The following SH3RF1 variants were observed in gnomAD, a reference collection of about 807,000 sequenced individuals.
SH3RF1 encodes the protein SH3 domain containing ring finger 1.
Under a neutral mutation model 74.0 loss-of-function variants are expected in SH3RF1, and 32 were observed. The observed-to-expected ratio is 0.43, with a 90% confidence interval of 0.33 to 0.58. The LOEUF is 0.58. SH3RF1 is among the 20% of genes least tolerant of loss of function. The pLI, the probability that SH3RF1 is intolerant of heterozygous loss-of-function variation, is 0.05. For synonymous variants in SH3RF1, 396 were observed against 439.6 expected, an observed-to-expected ratio of 0.90 and a Z score of 1.24; for missense variants, 954 against 1,130.9, an observed-to-expected ratio of 0.84 and a Z score of 2.24.
chr4:169,137,906 T>C (rs1354394361), intron 4 of SH3RF1, among the ~76,000 whole-genome samples: 2 of 152,180 alleles, frequency 1.3e-5, no homozygotes, highest in African/African-American at 4.8e-5. Context: ...CTATAATTAG[T>C]AAGATAAATC....
intron 4 of SH3RF1, among the ~76,000 whole-genome samples, chr4:169,152,575 T>TA (rs1733992552): frequency 6.6e-6 from 1 of 152,194 alleles, no homozygotes; most frequent in African/African-American, 2.4e-5. Flanking sequence ...CCGTCTCTAC[T>TA]AAAAACACAA....
chr4:169,152,611 T>C (rs553046208), intron 4 of SH3RF1, among the ~76,000 whole-genome samples: 2 of 152,168 alleles, frequency 1.3e-5, no homozygotes, highest in South Asian at 2.1e-4. Context: ...GTGGTGCATG[T>C]CTGTAATCCC....
At chr4:169,202,255 A>C (rs2126990865) in intron 2 of SH3RF1, among the ~76,000 whole-genome samples, 1 of 152,266 alleles carries the variant, frequency 6.6e-6, no homozygotes, top group South Asian at 2.1e-4. Context: ...CCTAACATAA[A>C]CTGTTTCTTT....
chr4:169,221,326 T>C (rs1416865594), intron 2 of SH3RF1, among the ~76,000 whole-genome samples: 1 of 151,902 alleles, frequency 6.6e-6, no homozygotes, highest in African/African-American at 2.4e-5. Flanking sequence ...AAAAAATAGG[T>C]CTCTCCAACA....
At position 169,096,467 on chromosome 4, in the gene SH3RF1, T is replaced by C; in HGVS notation, c.*52A>G. The C allele has an allele frequency of 1.3e-6, 2 of 1,575,638 alleles. No homozygotes were observed. Among genetic ancestry groups the C allele is most frequent in the Non-Finnish European group, 1.7e-6 (2 of 1,160,262 alleles). ...ATGTGCTCTTTCTGTTAAACTGCTT[T>C]GTGCTACTTTGTTGTGTGAAGTGAT... On this transcript the variant is annotated 3_prime_UTR_variant, in exon 12 of 12. Coordinates refer to ENST00000284637, the MANE Select transcript of SH3RF1 (RefSeq NM_020870.4).
chr4:169,209,035 A>T (rs996126487), intron 2 of SH3RF1, among the ~76,000 whole-genome samples: 7 of 152,204 alleles, frequency 4.6e-5, no homozygotes, highest in African/African-American at 1.2e-4. Context: ...CACGCCTGTA[A>T]TCCCAGCACT....
At chr4:169,221,980 C>A (rs2706728) in intron 2 of SH3RF1, among the ~76,000 whole-genome samples, 68,985 of 151,860 alleles carry the variant, frequency 0.45, 17,483 homozygotes, top group East Asian at 0.78. Context: ...TCATCCATCC[C>A]AAAAAAACAC....
chr4:169,165,800 T>C (rs1050584784), intron 2 of SH3RF1, among the ~76,000 whole-genome samples: 4 of 152,124 alleles, frequency 2.6e-5, no homozygotes, highest in African/African-American at 9.7e-5. Context: ...AATATTGAAA[T>C]AAACCTACAC....
intron 10 of SH3RF1, among the ~76,000 whole-genome samples, chr4:169,113,245 G>A (rs1199408461): frequency 6.6e-6 from 1 of 152,030 alleles, no homozygotes; most frequent in Non-Finnish European, 1.5e-5. Context: ...TGAGTAGCTG[G>A]GATTACAGGC....
At position 169,095,879 on chromosome 4, in the gene SH3RF1, A is replaced by ACGTCTCTTCT. The variant is rs1283340631; in HGVS notation, c.*639_*640insAGAAGAGACG. On this transcript the variant is annotated 3_prime_UTR_variant, in exon 12 of 12. Coordinates refer to ENST00000284637, the MANE Select transcript of SH3RF1 (RefSeq NM_020870.4). ...AAACTAGAAAGAGAGGGAATCACTA[A>ACGTCTCTTCT]CTTCTCTTCTCTCAAGTTTCTGTCT... 1 of 152,208 alleles carries ACGTCTCTTCT rather than the reference A, an allele frequency of 6.6e-6. No homozygotes were observed. The highest frequency in any genetic ancestry group is 2.4e-5 in the African/African-American group (1 of 41,444). 9.4% of individuals were successfully genotyped at this position (152,208 alleles called of 1,614,324 possible).
intron 2 of SH3RF1, among the ~76,000 whole-genome samples, chr4:169,188,850 C>T (rs1351883688): frequency 1.3e-5 from 2 of 152,204 alleles, no homozygotes; most frequent in African/African-American, 4.8e-5. Context: ...TAAACACATG[C>T]TCTTCTCTTC....
At chr4:169,267,555 G>A (rs1039704) in intron 2 of SH3RF1, among the ~76,000 whole-genome samples, 149,918 of 152,334 alleles carry the variant, frequency 0.98, 73,806 homozygotes, top group East Asian at 1. Flanking sequence ...CCCTATCCCA[G>A]AGTTCTCACT....
intron 2 of SH3RF1, among the ~76,000 whole-genome samples, chr4:169,229,919 T>A (rs2127006500): frequency 6.6e-6 from 1 of 152,270 alleles, no homozygotes; most frequent in South Asian, 2.1e-4. Context: ...TAAAAAACAA[T>A]GCTTGGCCAG....
At chr4:169,244,357 G>A (rs543416481) in intron 2 of SH3RF1, among the ~76,000 whole-genome samples, 1 of 152,064 alleles carries the variant, frequency 6.6e-6, no homozygotes, top group South Asian at 2.1e-4. Flanking sequence ...CCACACAATG[G>A]ACCAGTGCTG....
At chr4:169,231,077 A>C (rs559348766) in intron 2 of SH3RF1, among the ~76,000 whole-genome samples, 3 of 152,274 alleles carry the variant, frequency 2.0e-5, no homozygotes, top group African/African-American at 7.2e-5. Context: ...AAGTTTCTTC[A>C]TCTGTAAATA....
intron 1 of SH3RF1, chr4:169,270,054 G>A (rs1042068326): frequency 1.3e-5 from 2 of 152,344 alleles, no homozygotes; most frequent in African/African-American, 4.8e-5. Flanking sequence ...ACTGGAAACT[G>A]TGGGCATATG....
intron 11 of SH3RF1, among the ~76,000 whole-genome samples, chr4:169,097,014 A>G (rs1732942583): frequency 6.6e-6 from 1 of 152,144 alleles, no homozygotes; most frequent in African/African-American, 2.4e-5. Flanking sequence ...CGAGAGGGGT[A>G]TCATTTCTAT....
At chr4:169,120,494 A>G (rs1733420114) in intron 8 of SH3RF1, among the ~76,000 whole-genome samples, 1 of 152,262 alleles carries the variant, frequency 6.6e-6, no homozygotes. Context: ...TTAATAATAT[A>G]GCTTTTCTTT....
At chr4:169,196,813 C>G (rs1327236989) in intron 2 of SH3RF1, among the ~76,000 whole-genome samples, 1 of 152,116 alleles carries the variant, frequency 6.6e-6, no homozygotes, top group East Asian at 1.9e-4. Flanking sequence ...TAAGCTGTTC[C>G]TTTACTATAT....
Sources: allele counts gnomAD v4.1 joint callset (sites outside exome capture counted in the v4.1 genomes callset), GRCh38; gene constraint gnomAD v4.1.1; transcripts MANE v1.5; gene names NCBI Gene and HGNC (gene_info 2026-07-23, HGNC 2026-07-21).